Variants in NCAM2 observed in about 807,000 individuals in gnomAD.
NCAM2 encodes the protein neural cell adhesion molecule 2.
NCAM2 carries 30 observed loss-of-function variants against 98.1 expected under a neutral mutation model. The ratio of observed to expected loss-of-function variants is 0.31; its 90% CI spans 0.23 to 0.41. The LOEUF is 0.41. NCAM2 is among the 10% of genes least tolerant of loss of function. The pLI is 1.00. For missense variants in NCAM2, 867 were observed against 1,005.8 expected (o/e 0.86, Z 1.87); for synonymous variants, 368 against 342.4 (o/e 1.07, Z -0.83).
rs570102255 is a variant in NCAM2 at position 21,032,804 on chromosome 21, A to T, written c.55+34186A>T. ...GTTATTGGTACCTAGGAACAAGCTC[A>T]TCAGTATTTTTGTGTGACCTGAATC... On this transcript the variant is annotated intron_variant, in intron 1 of 17. Coordinates refer to ENST00000400546, the MANE Select transcript of NCAM2 (RefSeq NM_004540.5). Among the ~76,000 whole-genome samples, 4 of 152,310 alleles carry T rather than the reference A, an allele frequency of 2.6e-5. 1 individual carries two copies. The South Asian group carries it at 8.3e-4, about 32-fold the overall frequency.
chr21:21,444,461 C>T (rs914660726), intron 12 of NCAM2, among the ~76,000 whole-genome samples: 6 of 145,296 alleles, frequency 4.1e-5, no homozygotes, highest in Non-Finnish European at 9.1e-5. Context: ...CTGTCTGGTC[C>T]TGGGCTTTTT....
chr21:21,420,430 A>T (rs2077088076), intron 11 of NCAM2, among the ~76,000 whole-genome samples: 1 of 152,028 alleles, frequency 6.6e-6, no homozygotes, highest in Non-Finnish European at 1.5e-5. Flanking sequence ...CAAATGGAAA[A>T]AATGTGATTT....
At chr21:21,426,261 C>G (rs1055603049) in intron 11 of NCAM2, among the ~76,000 whole-genome samples, 1 of 152,066 alleles carries the variant, frequency 6.6e-6, no homozygotes, top group Non-Finnish European at 1.5e-5. Flanking sequence ...AGTAAGGTAG[C>G]CACTCAAAAC....
intron 1 of NCAM2, among the ~76,000 whole-genome samples, chr21:21,193,124 C>G (rs2068880203): frequency 6.6e-6 from 1 of 152,164 alleles, no homozygotes; most frequent in Admixed American, 6.5e-5. Context: ...CTATCCCCAT[C>G]TCTCTGTTTA....
chr21:21,368,038 A>G (rs2075827707), intron 8 of NCAM2, among the ~76,000 whole-genome samples: 1 of 151,918 alleles, frequency 6.6e-6, no homozygotes, highest in Non-Finnish European at 1.5e-5. Context: ...AATAATCTCT[A>G]AAAGGTTTAT....
chr21:21,512,305 T>C (rs13313857), intron 16 of NCAM2, among the ~76,000 whole-genome samples: 39,151 of 151,888 alleles, frequency 0.26, 5,803 homozygotes, highest in African/African-American at 0.39. Context: ...TCATCATCTA[T>C]ATATGGATGT....
intron 1 of NCAM2, among the ~76,000 whole-genome samples, chr21:21,003,327 C>T (rs1276534773): frequency 1.3e-5 from 2 of 152,100 alleles, no homozygotes; most frequent in Non-Finnish European, 2.9e-5. Context: ...TGAAGAATTT[C>T]AGGTCCATTG....
chr21:21,298,399 A>G (rs1473351578), intron 5 of NCAM2, among the ~76,000 whole-genome samples: 2 of 151,642 alleles, frequency 1.3e-5, no homozygotes, highest in Non-Finnish European at 3.0e-5. Context: ...ACCCAAATCA[A>G]TAAATATTTA....
In NCAM2 at chr21:21,049,342, C is replaced by A. The variant is rs117178819; in HGVS notation, c.55+50724C>A. On this transcript the variant is annotated intron_variant, in intron 1 of 17. Coordinates refer to ENST00000400546, the MANE Select transcript of NCAM2 (RefSeq NM_004540.5). ...ACAATTAAACTATACTGATTAAATA[C>A]CCTATAATGATCAAATTCTAACATA... 2.4e-3 allele frequency among the ~76,000 whole-genome samples: 367 copies of A among 152,098 alleles called. 1 individual carries two copies. The highest frequency in any genetic ancestry group is 4.3e-3 in the Non-Finnish European group (293 of 67,998).
intron 8 of NCAM2, among the ~76,000 whole-genome samples, chr21:21,344,336 C>T (rs1179984759): frequency 1.3e-5 from 2 of 152,068 alleles, no homozygotes; most frequent in Non-Finnish European, 2.9e-5. Flanking sequence ...GAAGTGGGGT[C>T]GTAGGGTCTG....
At chr21:21,259,756 C>T (rs1484736674) in intron 1 of NCAM2, among the ~76,000 whole-genome samples, 1 of 152,070 alleles carries the variant, frequency 6.6e-6, no homozygotes, top group Non-Finnish European at 1.5e-5. Flanking sequence ...GAGAAAGCCA[C>T]AGCACAGAAG....
At chr21:21,303,543 C>T (rs1201904238) in intron 5 of NCAM2, among the ~76,000 whole-genome samples, 1 of 151,940 alleles carries the variant, frequency 6.6e-6, no homozygotes, top group Non-Finnish European at 1.5e-5. Context: ...TGGGAAGTTT[C>T]AGATTTTTGG....
At chr21:21,372,327 C>T (rs2075937011) in intron 8 of NCAM2, among the ~76,000 whole-genome samples, 2 of 151,566 alleles carry the variant, frequency 1.3e-5, no homozygotes, top group African/African-American at 4.8e-5. Context: ...GGGCAAAGAA[C>T]ATAACATCAA....
intron 1 of NCAM2, among the ~76,000 whole-genome samples, chr21:21,132,384 T>A (rs879557773): frequency 2.0e-3 from 167 of 84,362 alleles, no homozygotes; most frequent in Non-Finnish European, 3.2e-3. Flanking sequence ...CTTAATCACA[T>A]CTGTAAAGTC....
At chr21:21,031,958 T>C (rs981815964) in intron 1 of NCAM2, among the ~76,000 whole-genome samples, 1 of 152,200 alleles carries the variant, frequency 6.6e-6, no homozygotes, top group African/African-American at 2.4e-5. Flanking sequence ...TGTAGAGATC[T>C]TAACAGGGAG....
At chr21:21,522,456 G>C (rs1458236285) in intron 16 of NCAM2, among the ~76,000 whole-genome samples, 1 of 151,004 alleles carries the variant, frequency 6.6e-6, no homozygotes, top group African/African-American at 2.4e-5. Context: ...TTTTAGTGTT[G>C]AGAGAGAAAA....
chr21:21,210,268 T>C (rs1224326794), intron 1 of NCAM2, among the ~76,000 whole-genome samples: 1 of 152,212 alleles, frequency 6.6e-6, no homozygotes, highest in African/African-American at 2.4e-5. Flanking sequence ...AGGCAATAGA[T>C]TGAAAACATA....
In NCAM2 at chr21:21,441,212, TAA is replaced by T. The variant is rs1366973343; in HGVS notation, c.1654+8934_1654+8935del. ...CATACATGTTTCATGTCTACAAAAC[TAA>T]AAGACAGTTATTATTTTACGAAGCA... On this transcript the variant is annotated intron_variant, in intron 12 of 17. Coordinates refer to ENST00000400546, the MANE Select transcript of NCAM2 (RefSeq NM_004540.5). Among the ~76,000 whole-genome samples the T allele has an allele frequency of 3.3e-5, 5 of 152,280 alleles. No individual in the cohort carries two copies. In the East Asian group the frequency reaches 7.7e-4, roughly 24 times the overall value.
chr21:21,036,238 A>G (rs906565425), intron 1 of NCAM2, among the ~76,000 whole-genome samples: 1 of 152,186 alleles, frequency 6.6e-6, no homozygotes, highest in Non-Finnish European at 1.5e-5. Context: ...ATTGATAACT[A>G]AAAGATTTCA....
Sources: gnomAD v4.1 joint callset for allele counts (sites outside exome capture counted in the v4.1 genomes callset) on GRCh38, gnomAD v4.1.1 for gene constraint, MANE v1.5 for transcripts, NCBI Gene and HGNC (gene_info 2026-07-23, HGNC 2026-07-21) for gene names.